The following TKFC variants were observed in gnomAD, a reference collection of about 807,000 sequenced individuals.
TKFC encodes the protein triokinase/FMN cyclase.
TKFC carries 46 observed loss-of-function variants against 61.0 expected under a neutral mutation model. The observed-to-expected ratio is 0.75, with a 90% CI of 0.60 to 0.96. The LOEUF is 0.96. Ranked by LOEUF, TKFC falls within the 50% of genes least tolerant of loss-of-function variation. The pLI, the probability that TKFC is intolerant of heterozygous loss-of-function variation, is 0.00. For missense variants in TKFC, 715 were observed against 777.5 expected, an observed-to-expected ratio of 0.92 and a Z score of 0.96; for synonymous variants, 314 against 330.1, an observed-to-expected ratio of 0.95 and a Z score of 0.53.
intron 1 of TKFC, chr11:61,333,679 C>CT (rs1466534345): frequency 2.6e-5 from 4 of 152,330 alleles, no homozygotes; most frequent in African/African-American, 9.6e-5. Context: ...ATTAGTGCCC[C>CT]TATTGCTCTA....
chr11:61,347,037 C>G lies in TKFC; in HGVS notation c.*534C>G, dbSNP rs1857162294. ...CAGGCAGATCTTTATTACCTGAGCCCCTAAGGCAGTGTCTCCTCAGCTGGG... is the reference window on the plus strand; with the variant it reads ...CAGGCAGATCTTTATTACCTGAGCCGCTAAGGCAGTGTCTCCTCAGCTGGG... On this transcript the variant is annotated 3_prime_UTR_variant, in exon 18 of 18. Transcript: ENST00000394900. 1 of 985,962 alleles carries G rather than the reference C, an allele frequency of 1.0e-6. No homozygotes were observed. The highest frequency in any genetic ancestry group is 1.7e-5 in the African/African-American group (1 of 57,224). 61.1% of individuals were successfully genotyped at this position (985,962 alleles called of 1,614,324 possible).
chr11:61,353,014 C>G (rs527592337), downstream of TKFC: 10 of 1,613,928 alleles, frequency 6.2e-6, no homozygotes, highest in East Asian at 6.7e-5. Context: ...CATTAATGCC[C>G]GAAATGACGG....
chr11:61,353,335 A>G (rs977762496), downstream of TKFC: 16 of 701,238 alleles, frequency 2.3e-5, no homozygotes, highest in African/African-American at 2.5e-4. Flanking sequence ...AGTAAATGAC[A>G]TGCTTAGCTA....
At position 61,345,867 on chromosome 11, in the gene TKFC, T is replaced by C; in HGVS notation, c.1496T>C (p.Leu499Pro). 2.5e-6 allele frequency: 4 copies of C among 1,614,060 alleles called. No individual in the cohort carries two copies. Among genetic ancestry groups the C allele is most frequent in the Non-Finnish European group, 3.4e-6 (4 of 1,180,000 alleles). ...CTTCACCTTGTCCAGCTGGATTCTC[T>C]GTGGGCAGCGGGGCAGGAGCTCCAA... ...APGDRTMLDS[L>P]WAAGQELQAW... Residue 499 changes from leucine to proline, a missense_variant, in exon 17 of 18, where the codon CTG becomes CCG. Leu to Pro is a moderately conservative substitution (Grantham distance 98, BLOSUM62 -3). Coordinates refer to ENST00000394900, the MANE Select transcript of TKFC (RefSeq NM_015533.4).
In TKFC at chr11:61,342,367, CTG is replaced by C. The variant is rs142189700; in HGVS notation, c.656-89_656-88del. On this transcript the variant is annotated intron_variant, in intron 7 of 17. Transcript: ENST00000394900. Reference sequence around the variant, plus strand: ...TCCATCCCCCACTCCCGCCCACTTACTGTGTGAGTCCAGCACTGTGTGAGTCC... The same window carrying C: ...TCCATCCCCCACTCCCGCCCACTTACTGTGAGTCCAGCACTGTGTGAGTCC... The C allele has an allele frequency of 1.1e-3, 1,663 of 1,518,002 alleles. 19 individuals carry two copies. The African/African-American group carries it at 0.02, about 18-fold the overall frequency. The allele number at this position is 1,518,002 out of a possible 1,614,324, so 94.0% of individuals were successfully genotyped here. A position where few individuals can be genotyped will look rare whatever the true frequency, so the allele number is the denominator to read the frequency against.
In TKFC at chr11:61,347,480, G is replaced by A. The variant is rs976469322; in HGVS notation, c.*977G>A. ...CTTGGGCCCAGGAGGTCGAGGCTGC[G>A]GTGAGCCATAAGCATGCCACTATAC... On this transcript the variant is annotated 3_prime_UTR_variant, in exon 18 of 18. Coordinates refer to ENST00000394900, the MANE Select transcript of TKFC (RefSeq NM_015533.4). 7.8e-5 allele frequency: 77 copies of A among 981,646 alleles called. No homozygotes were observed. Among genetic ancestry groups the A allele is most frequent in the Non-Finnish European group, 8.5e-5 (70 of 827,088 alleles). The allele number at this position is 981,646 out of a possible 1,614,324, so 60.8% of individuals were successfully genotyped here.
Position 61,341,811 on chromosome 11 carries a change from T to G in TKFC, c.566-12T>G, listed in dbSNP as rs1296407264. The G allele has an allele frequency of 6.2e-7, 1 of 1,612,682 alleles. No individual in the cohort carries two copies. The highest frequency in any genetic ancestry group is 1.7e-5 in the Admixed American group (1 of 60,010). ...GTGGAACAGTCATCCCTTCATGCCT[T>G]GTTTCTCATAGGTACCCTGGGGGTG... On this transcript the variant is annotated splice_polypyrimidine_tract_variant and intron_variant, in intron 6 of 17. Coordinates refer to ENST00000394900, the MANE Select transcript of TKFC (RefSeq NM_015533.4).
At position 61,345,825 on chromosome 11, in the gene TKFC, G is replaced by A. The variant is rs375624982; in HGVS notation, c.1486-32G>A. 207 of 1,614,104 alleles carry A rather than the reference G, an allele frequency of 1.3e-4. No homozygotes were observed. In the African/African-American group the frequency reaches 1.6e-3, roughly 13 times the overall value. ...AAGAGCACCCTCGGTTGCAGGGCCC[G>A]TGCTCAGCCCCCTTTCCTTCACCTT... On this transcript the variant is annotated intron_variant, in intron 16 of 17. Transcript: ENST00000394900.
chr11:61,342,944 T>C, intron 10 of TKFC, 100 bp downstream of exon 10: 1 of 1,250,378 alleles, frequency 8.0e-7, no homozygotes, highest in Non-Finnish European at 1.1e-6. Context: ...CAGATAAGCC[T>C]GAGTTAAATC....
rs745726628 is a variant in TKFC, at chr11:61,338,095, C to T, written c.158C>T (p.Ser53Leu). The T allele has an allele frequency of 1.9e-5, 30 of 1,605,940 alleles. No homozygotes were observed. The East Asian group carries it at 3.1e-4, about 17-fold the overall frequency. Residue 53 changes from serine (S) to leucine (L), a missense_variant, in exon 3 of 18, where the codon TCG becomes TTG. Transcript: ENST00000394900. The stretch of plus-strand genomic sequence containing the variant: ...CTCAAGGGCCGGGTGGCACTGCTGT[C>T]GGGTGGGGGCTCTGGCCATGAGCCT... ...DSLKGRVALL[S>L]GGGSGHEPAH...
chr11:61,343,969 G>A lies in TKFC; in HGVS notation c.1096G>A (p.Ala366Thr), dbSNP rs757741085. The change falls in exon 12 of 18, where the codon GCA (alanine) becomes ACA (threonine). Residue 366 changes from alanine (A) to threonine (T), a missense_variant. Physicochemically the swap from Ala to Thr is moderately conservative, Grantham distance 58 (BLOSUM62 0). Coordinates refer to ENST00000394900, the MANE Select transcript of TKFC (RefSeq NM_015533.4). ...CCAGGAGGCCCCTGATTCCACTGCT[G>A]CAGGAGGTACCAACCCCTGCCTTTG... ...EPQEAPDSTA[A>T]GGSASKRMAL... The A allele has an allele frequency of 9.3e-6, 15 of 1,610,980 alleles. No homozygotes were observed. Among genetic ancestry groups the A allele is most frequent in the Admixed American group, 1.7e-5 (1 of 59,976 alleles).
In TKFC at chr11:61,346,382, A is replaced by G; in HGVS notation, c.1607A>G (p.Asn536Ser). ...SAEAAAEATKNMEAGAGRASY... is the reference protein window; with the variant it reads ...SAEAAAEATKSMEAGAGRASY... The stretch of plus-strand genomic sequence containing the variant: ...GAAGCTGCAGCCGAGGCCACCAAGA[A>G]TATGGAAGCTGGAGCCGGAAGAGCC... The change falls in exon 18 of 18, where the codon AAT (asparagine) becomes AGT (serine). Residue 536 changes from asparagine (N) to serine (S), a missense_variant. Transcript: ENST00000394900. The surrounding 1 kb of genome is among the most constrained non-coding windows in gnomAD (Gnocchi z 4.1). The G allele has an allele frequency of 6.2e-7, 1 of 1,612,860 alleles. No individual in the cohort carries two copies. Among genetic ancestry groups the G allele is most frequent in the Non-Finnish European group, 8.5e-7 (1 of 1,179,966 alleles).
chr11:61,346,572 T>G lies in TKFC; in HGVS notation c.*69T>G, dbSNP rs566056495. ...TGCTGAGGTGGCCTTTGTCACTTCC[T>G]TCTGCCTTCCAACCCTCACCTTCCC... On this transcript the variant is annotated 3_prime_UTR_variant, in exon 18 of 18. Transcript: ENST00000394900. The surrounding 1 kb of genome is among the most constrained non-coding windows in gnomAD (Gnocchi z 4.1). 6.6e-7 allele frequency: 1 copy of G among 1,517,282 alleles called. No individual in the cohort carries two copies. Among genetic ancestry groups the G allele is most frequent in the South Asian group, 1.3e-5 (1 of 79,876 alleles). 94.0% of individuals were successfully genotyped at this position (1,517,282 alleles called of 1,614,324 possible).
In TKFC at chr11:61,348,306, TAAATG is replaced by T; in HGVS notation, c.*1805_*1809del. 2.0e-6 allele frequency: 2 copies of T among 984,026 alleles called. No individual in the cohort carries two copies. Among genetic ancestry groups the T allele is most frequent in the South Asian group, 4.7e-5 (1 of 21,166 alleles). The allele number at this position is 984,026 out of a possible 1,614,324, so 61.0% of individuals were successfully genotyped here. A position where few individuals can be genotyped will look rare whatever the true frequency, so the allele number is the denominator to read the frequency against. On this transcript the variant is annotated 3_prime_UTR_variant, in exon 18 of 18. Transcript: ENST00000394900. ...CCATTAGCTATTAAGGACACGCACATAAATGAGCTGCATGTGAATCCACACATGCC... is the reference window on the plus strand; with the variant it reads ...CCATTAGCTATTAAGGACACGCACATAGCTGCATGTGAATCCACACATGCC...
rs1857141789 is a variant in TKFC at position 61,346,630 on chromosome 11, T to G, written c.*127T>G. On this transcript the variant is annotated 3_prime_UTR_variant, in exon 18 of 18. Coordinates refer to ENST00000394900, the MANE Select transcript of TKFC (RefSeq NM_015533.4). This position sits in a 1 kb window ranked among gnomAD's most constrained non-coding sequence, Gnocchi z 4.1. The stretch of plus-strand genomic sequence containing the variant: ...GGCCCCATTGGCCCACCCTCTAAGT[T>G]GAGCAGGAAATCCTCCACCAAGCTT... The G allele has an allele frequency of 6.8e-7, 1 of 1,479,284 alleles. No individual in the cohort carries two copies. The highest frequency in any genetic ancestry group is 1.4e-5 in the South Asian group (1 of 72,226). The allele number at this position is 1,479,284 out of a possible 1,614,324, so 91.6% of individuals were successfully genotyped here. A position where few individuals can be genotyped will look rare whatever the true frequency, so the allele number is the denominator to read the frequency against.
downstream of TKFC, chr11:61,351,192 C>T (rs746802175): frequency 3.9e-6 from 6 of 1,552,592 alleles, no homozygotes; most frequent in East Asian, 4.6e-5. Context: ...ATTTTTCCAC[C>T]TATTTTTGTC....
downstream of TKFC, chr11:61,350,622 C>G: frequency 6.1e-6 from 4 of 654,942 alleles, no homozygotes; most frequent in Non-Finnish European, 1.0e-5. Flanking sequence ...GAGCACTCAG[C>G]TGGTCACCAG....
chr11:61,336,583 A>G (rs193047634), intron 2 of TKFC, among the ~76,000 whole-genome samples: 4 of 152,180 alleles, frequency 2.6e-5, no homozygotes, highest in African/African-American at 7.2e-5. Context: ...GTAAATCCCT[A>G]TTTTACAGAG....
downstream of TKFC, chr11:61,350,224 C>T (rs1857331898): frequency 1.3e-6 from 1 of 780,838 alleles, no homozygotes; most frequent in African/African-American, 1.8e-5. Context: ...CCAAGGAAAG[C>T]AGACAGGCAG....
Sources: allele counts gnomAD v4.1 joint callset (sites outside exome capture counted in the v4.1 genomes callset), GRCh38; gene constraint gnomAD v4.1.1; non-coding constraint Gnocchi (gnomAD v3.1); transcripts MANE v1.5; gene names NCBI Gene and HGNC (gene_info 2026-07-23, HGNC 2026-07-21).